Variants in SLC35D1 observed in about 807,000 individuals in gnomAD.
The protein encoded by SLC35D1 is solute carrier family 35 member D1.
In SLC35D1, 31 loss-of-function variants were observed where a neutral mutation model predicts 46.7. The ratio of observed to expected loss-of-function variants is 0.66; its 90% CI spans 0.50 to 0.90. The LOEUF is 0.90. Among genes scored for constraint, SLC35D1 ranks in the 40% least tolerant of loss-of-function variants. The pLI, the probability that SLC35D1 is intolerant of heterozygous loss-of-function variation, is 0.00. For synonymous variants in SLC35D1, 195 were observed against 164.6 expected (o/e 1.18, Z -1.41); for missense variants, 397 against 426.2 (o/e 0.93, Z 0.60).
At chr1:67,013,482 G>T (rs1667617998) in intron 10 of SLC35D1, among the ~76,000 whole-genome samples, 1 of 152,002 alleles carries the variant, frequency 6.6e-6, no homozygotes, top group South Asian at 2.1e-4. Flanking sequence ...TTGAGCCCGG[G>T]AGGTCAAGGC....
At chr1:66,977,858 T>G in the SLC35D1 span, among the ~76,000 whole-genome samples, 1 of 152,166 alleles carries the variant, frequency 6.6e-6, no homozygotes, top group African/African-American at 2.4e-5. Context: ...TTTGTCAATG[T>G]ACTCCAGTAA....
chr1:67,030,390 C>T (rs992688890), intron 8 of SLC35D1, among the ~76,000 whole-genome samples: 6 of 152,122 alleles, frequency 3.9e-5, no homozygotes, highest in Non-Finnish European at 7.3e-5. Context: ...ATTAAGAATA[C>T]AGAATAAGTT....
chr1:67,052,006 C>A lies in SLC35D1; in HGVS notation c.392+6G>T, dbSNP rs1221331395. ...AACCTCACTAGTAAAATAAAGTTAT[C>A]CATACTTCAGTTTCTTTGTGCTGAA... On this transcript the variant is annotated splice_donor_region_variant and intron_variant, in intron 4 of 11. Coordinates refer to ENST00000235345, the MANE Select transcript of SLC35D1 (RefSeq NM_015139.3). The A allele has an allele frequency of 6.3e-7, 1 of 1,579,140 alleles. No individual in the cohort carries two copies. Among genetic ancestry groups the A allele is most frequent in the Non-Finnish European group, 8.7e-7 (1 of 1,148,416 alleles).
intron 4 of SLC35D1, among the ~76,000 whole-genome samples, chr1:67,051,316 C>T (rs1645305890): frequency 6.6e-6 from 1 of 152,176 alleles, no homozygotes; most frequent in Non-Finnish European, 1.5e-5. Context: ...AGGGTTTTAG[C>T]TTGTGTGGTA....
At position 67,006,391 on chromosome 1, in the gene SLC35D1, G is replaced by A. The variant is rs531974677; in HGVS notation, c.960-1943C>T. On this transcript the variant is annotated intron_variant, in intron 11 of 11. Coordinates refer to ENST00000235345, the MANE Select transcript of SLC35D1 (RefSeq NM_015139.3). ...GGTTCACATGTACGTCCACCCACAT[G>A]ACAGTCAATTTCCCTTTGCCTCCAA... 6.8e-4 allele frequency among the ~76,000 whole-genome samples: 104 copies of A among 152,248 alleles called. No individual in the cohort carries two copies. The South Asian group carries it at 0.021, about 31-fold the overall frequency.
At chr1:67,038,848 CACACAA>C (rs775450870) in intron 8 of SLC35D1, among the ~76,000 whole-genome samples, 8 of 151,840 alleles carry the variant, frequency 5.3e-5, no homozygotes, top group Non-Finnish European at 1.0e-4. Context: ...CACACACACA[CACACAA>C]ACACACACAC....
At position 67,003,308 on chromosome 1, in the gene SLC35D1, A is replaced by G. The variant is rs1432137633; in HGVS notation, c.*1032T>C. ...ACTTGCCTGTCTGCAATTTTCACTTAGAGAGGGAGTCAATGCTGAGCTGCA... is the reference window on the plus strand; with the variant it reads ...ACTTGCCTGTCTGCAATTTTCACTTGGAGAGGGAGTCAATGCTGAGCTGCA... On this transcript the variant is annotated 3_prime_UTR_variant, in exon 12 of 12. Coordinates refer to ENST00000235345, the MANE Select transcript of SLC35D1 (RefSeq NM_015139.3). 6.6e-6 allele frequency: 1 copy of G among 152,414 alleles called. No homozygotes were observed. Among genetic ancestry groups the G allele is most frequent in the Non-Finnish European group, 1.5e-5 (1 of 68,060 alleles). 9.4% of individuals were successfully genotyped at this position (152,414 alleles called of 1,614,324 possible).
In SLC35D1 at chr1:67,001,830, G is replaced by A. The variant is rs1391896467; in HGVS notation, c.*2510C>T. 1 of 152,444 alleles carries A rather than the reference G, an allele frequency of 6.6e-6. No homozygotes were observed. Among genetic ancestry groups the A allele is most frequent in the East Asian group, 1.9e-4 (1 of 5,332 alleles). The allele number at this position is 152,444 out of a possible 1,614,324, so 9.4% of individuals were successfully genotyped here. On this transcript the variant is annotated 3_prime_UTR_variant, in exon 12 of 12. Coordinates refer to ENST00000235345, the MANE Select transcript of SLC35D1 (RefSeq NM_015139.3). ...GGCTGAAGGATGCATCCAGGAAGCA[G>A]AACACAGACAGGGCAAAGTTGCTGT...
chr1:66,976,729 T>C, the SLC35D1 span: 1 of 1,571,892 alleles, frequency 6.4e-7, no homozygotes, highest in Non-Finnish European at 8.6e-7. Flanking sequence ...TAACGTGAGT[T>C]AATTTTTTCC....
the SLC35D1 span, among the ~76,000 whole-genome samples, chr1:66,979,477 C>G: frequency 4.6e-5 from 7 of 152,218 alleles, no homozygotes; most frequent in East Asian, 1.3e-3. Flanking sequence ...TCCCTATTTA[C>G]TACCTGGAAG....
At chr1:66,979,118 T>C in the SLC35D1 span, among the ~76,000 whole-genome samples, 1 of 152,286 alleles carries the variant, frequency 6.6e-6, no homozygotes, top group African/African-American at 2.4e-5. Context: ...ATAAAGTTTA[T>C]TTAACTGAAA....
the SLC35D1 span, chr1:66,973,133 T>G: frequency 1.7e-5 from 10 of 580,506 alleles, no homozygotes; most frequent in Non-Finnish European, 3.0e-5. Flanking sequence ...TGAGTAATTA[T>G]AGTAAGGCTG....
In SLC35D1 at chr1:67,042,265, T is replaced by C. The variant is rs1404348947; in HGVS notation, c.700A>G (p.Ile234Val). The stretch of plus-strand genomic sequence containing the variant: ...TGTGCATCTCCTGTGAAATACGCAA[T>C]GGCCAGGGTGGGCAGAATCATGAAC... ...ALFMILPTLAIAYFTGDAQKA... is the reference protein window; with the variant it reads ...ALFMILPTLAVAYFTGDAQKA... Residue 234 changes from isoleucine to valine, a missense_variant, in exon 8 of 12, where the codon ATT becomes GTT. Physicochemically the swap from Ile to Val is conservative, Grantham distance 29. Transcript: ENST00000235345. The C allele has an allele frequency of 1.2e-6, 2 of 1,614,196 alleles. No individual in the cohort carries two copies. Among genetic ancestry groups the C allele is most frequent in the East Asian group, 4.5e-5 (2 of 44,872 alleles).
chr1:66,974,189 G>A, the SLC35D1 span, among the ~76,000 whole-genome samples: 1 of 151,740 alleles, frequency 6.6e-6, no homozygotes. Context: ...GCAGTTTACC[G>A]CAGATAACAC....
chr1:67,047,802 T>C (rs1645267512), intron 6 of SLC35D1, among the ~76,000 whole-genome samples: 1 of 152,160 alleles, frequency 6.6e-6, no homozygotes, highest in African/African-American at 2.4e-5. Flanking sequence ...GCATAGGTAG[T>C]TGGGCCCCTG....
chr1:67,017,640 TCTGAAGATAC>T (rs1667711612), intron 10 of SLC35D1, among the ~76,000 whole-genome samples: 1 of 152,144 alleles, frequency 6.6e-6, no homozygotes, highest in Admixed American at 6.5e-5. Flanking sequence ...GCCACTGCAA[TCTGAAGATAC>T]CTCAAGGACT....
chr1:67,039,818 T>C (rs1340566260), intron 8 of SLC35D1, among the ~76,000 whole-genome samples: 5 of 152,144 alleles, frequency 3.3e-5, no homozygotes, highest in Admixed American at 2.0e-4. Flanking sequence ...TCAGAAACTC[T>C]GTCTCAACCC....
chr1:66,997,950 T>C (rs1421365328), downstream of SLC35D1, among the ~76,000 whole-genome samples: 1 of 151,698 alleles, frequency 6.6e-6, no homozygotes, highest in Non-Finnish European at 1.5e-5. Flanking sequence ...CACTAATCAT[T>C]AGGAAAATAC....
chr1:66,983,787 G>T, the SLC35D1 span, among the ~76,000 whole-genome samples: 25 of 152,294 alleles, frequency 1.6e-4, no homozygotes, highest in African/African-American at 6.0e-4. Flanking sequence ...GAATGCAGTG[G>T]CACAATCTCG....
Sources: gnomAD v4.1 joint callset for allele counts (sites outside exome capture counted in the v4.1 genomes callset) on GRCh38, gnomAD v4.1.1 for gene constraint, MANE v1.5 for transcripts, NCBI Gene and HGNC (gene_info 2026-07-23, HGNC 2026-07-21) for gene names.